PSD3: variants seen among roughly 807,000 people sequenced by gnomAD.
The protein encoded by PSD3 is PH and SEC7 domain-containing protein 3.
Under a neutral mutation model 105.5 loss-of-function variants are expected in PSD3, and 49 were observed. The observed-to-expected ratio is 0.46, with a 90% CI of 0.37 to 0.59. The LOEUF is 0.59. PSD3 is among the 20% of genes least tolerant of loss of function. The pLI is 0.00. For missense variants in PSD3, 1,561 were observed against 1,263.8 expected (o/e 1.24, Z -3.57); for synonymous variants, 557 against 457.8 (o/e 1.22, Z -2.77).
At chr8:18,639,601 T>C (rs1807497403) in intron 10 of PSD3, among the ~76,000 whole-genome samples, 1 of 151,932 alleles carries the variant, frequency 6.6e-6, no homozygotes, top group East Asian at 1.9e-4. Context: ...GACACACACA[T>C]ACAGAAGGAA....
chr8:19,078,758 G>C (rs1176420928), intron 1 of PSD3, among the ~76,000 whole-genome samples: 3 of 151,902 alleles, frequency 2.0e-5, no homozygotes, highest in Non-Finnish European at 4.4e-5. Context: ...TTCAGTGTTA[G>C]CCTGGATTGT....
chr8:18,672,606 G>T (rs1453695177), intron 9 of PSD3, among the ~76,000 whole-genome samples: 1 of 152,150 alleles, frequency 6.6e-6, no homozygotes, highest in Non-Finnish European at 1.5e-5. Context: ...AGCTAAATGA[G>T]AAAATAAATT....
chr8:18,968,261 C>T (rs934074458), intron 1 of PSD3, among the ~76,000 whole-genome samples: 5 of 152,206 alleles, frequency 3.3e-5, no homozygotes, highest in African/African-American at 9.6e-5. Context: ...CCCTGCAAGT[C>T]CAATTCTGAC....
intron 11 of PSD3, among the ~76,000 whole-genome samples, chr8:18,626,104 A>G (rs1302231082): frequency 1.3e-5 from 2 of 152,162 alleles, no homozygotes; most frequent in Admixed American, 6.6e-5. Context: ...TTGTAAAAAT[A>G]CATACTTCTA....
At chr8:18,664,941 T>C (rs10092031) in intron 9 of PSD3, among the ~76,000 whole-genome samples, 5,706 of 152,310 alleles carry the variant, frequency 0.037, 110 homozygotes, top group East Asian at 0.054. Context: ...TTTTAGTCCA[T>C]TGTCGAGACC....
At chr8:19,022,459 G>T (rs1827393955) in intron 1 of PSD3, among the ~76,000 whole-genome samples, 1 of 152,144 alleles carries the variant, frequency 6.6e-6, no homozygotes, top group African/African-American at 2.4e-5. Context: ...TCTTCCACAA[G>T]AGACACTCAC....
chr8:18,642,017 G>C (rs1807683279), intron 10 of PSD3, among the ~76,000 whole-genome samples: 1 of 152,044 alleles, frequency 6.6e-6, no homozygotes, highest in African/African-American at 2.4e-5. Context: ...AAGTAAAAAA[G>C]AGACTATGCT....
intron 1 of PSD3, among the ~76,000 whole-genome samples, chr8:18,945,484 C>A (rs1027589783): frequency 6.6e-6 from 1 of 152,170 alleles, no homozygotes; most frequent in Non-Finnish European, 1.5e-5. Flanking sequence ...TCCTCTGGCA[C>A]CTTGATTTTA....
intron 11 of PSD3, among the ~76,000 whole-genome samples, chr8:18,614,411 A>ATTT (rs200955910): frequency 2.1e-5 from 3 of 140,082 alleles, no homozygotes; most frequent in Non-Finnish European, 4.6e-5. Context: ...ATTACCGGGA[A>ATTT]TTTTTTTTTT....
At chr8:19,032,851 T>C (rs1827816654) in intron 1 of PSD3, among the ~76,000 whole-genome samples, 1 of 152,176 alleles carries the variant, frequency 6.6e-6, no homozygotes. Context: ...AATATGCTCA[T>C]ATTATTGTTA....
chr8:18,840,031 T>C (rs1814485717), intron 4 of PSD3, among the ~76,000 whole-genome samples: 1 of 152,230 alleles, frequency 6.6e-6, no homozygotes, highest in African/African-American at 2.4e-5. Flanking sequence ...AACAAAATAC[T>C]GGCTTGTGCT....
intron 12 of PSD3, among the ~76,000 whole-genome samples, chr8:18,596,182 A>C (rs187259329): frequency 1.9e-4 from 29 of 152,212 alleles, no homozygotes; most frequent in Admixed American, 5.9e-4. Flanking sequence ...TCAAAAAGGA[A>C]ATTGGACAAT....
intron 8 of PSD3, among the ~76,000 whole-genome samples, chr8:18,781,265 G>T (rs148247878): frequency 1.4e-3 from 218 of 152,248 alleles, no homozygotes; most frequent in African/African-American, 5.0e-3. Flanking sequence ...TATTGTACTT[G>T]CTATAATCAA....
intron 4 of PSD3, among the ~76,000 whole-genome samples, chr8:18,850,769 G>A (rs1445223762): frequency 1.3e-5 from 2 of 152,144 alleles, no homozygotes; most frequent in Non-Finnish European, 1.5e-5. Context: ...GAGAGGACGC[G>A]ACTCTTCCCA....
At chr8:18,905,240 C>T (rs1447300140) in intron 2 of PSD3, among the ~76,000 whole-genome samples, 1 of 152,200 alleles carries the variant, frequency 6.6e-6, no homozygotes, top group African/African-American at 2.4e-5. Flanking sequence ...TTCCCCCTCT[C>T]TAATTTTGTC....
chr8:18,921,020 C>T (rs951127883), intron 2 of PSD3, among the ~76,000 whole-genome samples: 4 of 152,130 alleles, frequency 2.6e-5, no homozygotes, highest in Non-Finnish European at 5.9e-5. Flanking sequence ...TCTACCATAA[C>T]AGAAATTGCT....
At position 18,928,508 on chromosome 8, in the gene PSD3, C is replaced by T. The variant is rs191661162; in HGVS notation, c.130+7526G>A. On this transcript the variant is annotated intron_variant, in intron 2 of 15. Transcript: ENST00000327040. Reference sequence around the variant, plus strand: ...ATAAAATGTGTACCATCCATATAATCGACTATTATTCCACACAAAAAAGTA... The same window carrying T: ...ATAAAATGTGTACCATCCATATAATTGACTATTATTCCACACAAAAAAGTA... 4.2e-3 allele frequency among the ~76,000 whole-genome samples: 638 copies of T among 152,228 alleles called. 2 individuals are homozygous for T. Among genetic ancestry groups the T allele is most frequent in the Admixed American group, 8.2e-3 (125 of 15,302 alleles).
chr8:18,703,737 T>G (rs1801725561), intron 9 of PSD3, among the ~76,000 whole-genome samples: 1 of 152,202 alleles, frequency 6.6e-6, no homozygotes, highest in African/African-American at 2.4e-5. Flanking sequence ...ATAAGTAAAA[T>G]AACATGAATA....
intron 4 of PSD3, among the ~76,000 whole-genome samples, chr8:18,845,535 G>A (rs1249053832): frequency 2.0e-5 from 3 of 152,190 alleles, no homozygotes; most frequent in Admixed American, 1.3e-4. Flanking sequence ...AACACTGTGG[G>A]CAGTGTCAGC....
Sources: allele counts gnomAD v4.1 joint callset (sites outside exome capture counted in the v4.1 genomes callset), GRCh38; gene constraint gnomAD v4.1.1; transcripts MANE v1.5; gene names NCBI Gene and HGNC (gene_info 2026-07-23, HGNC 2026-07-21).